Variants in PACRGL observed in about 807,000 individuals in gnomAD.
PACRGL encodes the protein PACRG-like protein.
In PACRGL, 38 loss-of-function variants were observed where a neutral mutation model predicts 34.5. The ratio of observed to expected loss-of-function variants is 1.10; its 90% CI spans 0.85 to 1.44. The LOEUF is 1.44. PACRGL is among the 40% of genes most tolerant of loss of function. PACRGL has a pLI of 0.00. For synonymous variants in PACRGL, 128 were observed against 100.1 expected (o/e 1.28, Z -1.66); for missense variants, 305 against 281.4 (o/e 1.08, Z -0.60).
chr4:20,704,625 T>A (rs568848217), intron 2 of PACRGL, 35 bp from the exon 3 acceptor site: 3 of 1,613,786 alleles, frequency 1.9e-6, no homozygotes, highest in African/African-American at 2.7e-5. Context: ...TTATTGCTTG[T>A]ACCTGGTTTC....
chr4:20,727,225 A>G, intron 8 of PACRGL, 60 bp from the exon 9 acceptor site: 1 of 1,410,718 alleles, frequency 7.1e-7, no homozygotes, highest in Non-Finnish European at 1.0e-6. Context: ...CTGCAAATAT[A>G]ATACCTATTA....
chr4:20,763,485 A>C, the PACRGL span, among the ~76,000 whole-genome samples: 23,136 of 152,024 alleles, frequency 0.15, 1,841 homozygotes, highest in East Asian at 0.19. Context: ...AGTACATGGA[A>C]ACTTTTTATG....
At chr4:20,703,786 T>C (rs1386310702) in intron 1 of PACRGL, among the ~76,000 whole-genome samples, 1 of 152,130 alleles carries the variant, frequency 6.6e-6, no homozygotes, top group Non-Finnish European at 1.5e-5. Context: ...AATTTCATAA[T>C]TGGTAGAACT....
At chr4:20,751,507 CGA>C (rs947155639) in intron 8 of PACRGL, among the ~76,000 whole-genome samples, 21 of 151,332 alleles carry the variant, frequency 1.4e-4, no homozygotes, top group Non-Finnish European at 2.5e-4. Context: ...GTGAATTGAT[CGA>C]TGGTGTGTTG....
At chr4:20,754,395 G>A (rs992931562), downstream of PACRGL, among the ~76,000 whole-genome samples, 7 of 152,112 alleles carry the variant, frequency 4.6e-5, no homozygotes, top group Admixed American at 2.6e-4. Flanking sequence ...TTCATAATGA[G>A]AAAAACTGTT....
the PACRGL span, among the ~76,000 whole-genome samples, chr4:20,765,559 C>T: frequency 6.6e-6 from 1 of 152,180 alleles, no homozygotes; most frequent in Admixed American, 6.5e-5. Context: ...GCCACATACT[C>T]TTTACTGTCA....
At position 20,732,144 on chromosome 4, in the gene PACRGL, G is replaced by A; in HGVS notation, c.*4803G>A. 9.9e-7 allele frequency: 1 copy of A among 1,006,786 alleles called. No homozygotes were observed. The allele number at this position is 1,006,786 out of a possible 1,614,324, so 62.4% of individuals were successfully genotyped here. A position where few individuals can be genotyped will look rare whatever the true frequency, so the allele number is the denominator to read the frequency against. ...TCACACCTGGACCAAATGAGCTGAAGCTGATAAAAAGAAAACCTAGCTGCT... is the reference window on the plus strand; with the variant it reads ...TCACACCTGGACCAAATGAGCTGAAACTGATAAAAAGAAAACCTAGCTGCT... On this transcript the variant is annotated 3_prime_UTR_variant, in exon 9 of 9. Coordinates refer to ENST00000503585, the MANE Select transcript of PACRGL (RefSeq NM_001258345.3).
At chr4:20,734,770 T>G (rs1373215498), downstream of PACRGL, 2 of 1,329,200 alleles carry the variant, frequency 1.5e-6, no homozygotes, top group Admixed American at 4.4e-5. Flanking sequence ...TTATATGACA[T>G]TTTTAAAAAA....
intron 8 of PACRGL, among the ~76,000 whole-genome samples, chr4:20,751,992 C>T (rs892962010): frequency 4.6e-5 from 7 of 151,702 alleles, no homozygotes; most frequent in Non-Finnish European, 7.4e-5. Flanking sequence ...AGTTGTTTTA[C>T]CTTTGTGTGG....
chr4:20,718,281 G>A lies in PACRGL; in HGVS notation c.609+4742G>A, dbSNP rs1029084425. Among the ~76,000 whole-genome samples the A allele has an allele frequency of 2.6e-5, 4 of 152,148 alleles. No homozygotes were observed. In the East Asian group the frequency reaches 5.8e-4, roughly 22 times the overall value. ...TACAATCATGTCATCTGCAAACGGG[G>A]ACAATTTGACTTCCTCTTTTCGTAA... On this transcript the variant is annotated intron_variant, in intron 7 of 8. Coordinates refer to ENST00000503585, the MANE Select transcript of PACRGL (RefSeq NM_001258345.3).
downstream of PACRGL, among the ~76,000 whole-genome samples, chr4:20,734,204 C>T (rs533699504): frequency 1.0e-3 from 156 of 152,256 alleles, no homozygotes; most frequent in African/African-American, 3.4e-3. Context: ...TCTGCCTCAA[C>T]GTGCATTTGG....
intron 8 of PACRGL, among the ~76,000 whole-genome samples, chr4:20,743,697 G>T (rs201862811): frequency 6.6e-6 from 1 of 152,012 alleles, no homozygotes; most frequent in Non-Finnish European, 1.5e-5. Context: ...TACCATTCAG[G>T]ACATAGGCAT....
At chr4:20,727,071 C>T (rs1164163024) in intron 8 of PACRGL, among the ~76,000 whole-genome samples, 1 of 152,102 alleles carries the variant, frequency 6.6e-6, no homozygotes, top group Non-Finnish European at 1.5e-5. Context: ...AGTCTGGCTT[C>T]TAACTACTTC....
chr4:20,724,517 C>T (rs1344659737), intron 7 of PACRGL, among the ~76,000 whole-genome samples: 3 of 152,158 alleles, frequency 2.0e-5, no homozygotes, highest in Non-Finnish European at 4.4e-5. Flanking sequence ...TCATGGTCCT[C>T]AATGCTCTTG....
At chr4:20,737,884 C>T (rs1750029777) in intron 8 of PACRGL, among the ~76,000 whole-genome samples, 1 of 152,194 alleles carries the variant, frequency 6.6e-6, no homozygotes, top group Admixed American at 6.5e-5. Context: ...GTAATCCCAG[C>T]ACTTTGGGTG....
At chr4:20,760,214 G>A in the PACRGL span, among the ~76,000 whole-genome samples, 49 of 152,224 alleles carry the variant, frequency 3.2e-4, no homozygotes, top group African/African-American at 9.9e-4. Context: ...GAGCTCCCCT[G>A]ACTCTAGTTG....
At chr4:20,750,036 G>C (rs1240663202) in intron 8 of PACRGL, among the ~76,000 whole-genome samples, 1 of 152,178 alleles carries the variant, frequency 6.6e-6, no homozygotes, top group African/African-American at 2.4e-5. Context: ...TGGATGTGAA[G>C]ATTGAGACTT....
Position 20,727,424 on chromosome 4 carries a change from T to A in PACRGL, c.*83T>A, listed in dbSNP as rs1026447794. 20 of 1,151,046 alleles carry A rather than the reference T, an allele frequency of 1.7e-5. No individual in the cohort carries two copies. Among genetic ancestry groups the A allele is most frequent in the Admixed American group, 1.7e-4 (9 of 54,222 alleles). The allele number at this position is 1,151,046 out of a possible 1,614,324, so 71.3% of individuals were successfully genotyped here. On this transcript the variant is annotated 3_prime_UTR_variant, in exon 9 of 9. Coordinates refer to ENST00000503585, the MANE Select transcript of PACRGL (RefSeq NM_001258345.3). ...TGGGTACTCATTTATTTTATTCTTT[T>A]GTAAATCACAGCCACCATTCATTAT... is the stretch of plus-strand genomic sequence containing the variant.
At position 20,727,439 on chromosome 4, in the gene PACRGL, C is replaced by G. The variant is rs906680751; in HGVS notation, c.*98C>G. The G allele has an allele frequency of 9.6e-5, 96 of 1,003,744 alleles. No individual in the cohort carries two copies. The highest frequency in any genetic ancestry group is 1.4e-4 in the Non-Finnish European group (93 of 654,426). The allele number at this position is 1,003,744 out of a possible 1,614,324, so 62.2% of individuals were successfully genotyped here. A position where few individuals can be genotyped will look rare whatever the true frequency, so the allele number is the denominator to read the frequency against. ...TTTATTCTTTTGTAAATCACAGCCACCATTCATTATTTACTAGGTTAAGAT... is the reference window on the plus strand; with the variant it reads ...TTTATTCTTTTGTAAATCACAGCCAGCATTCATTATTTACTAGGTTAAGAT... On this transcript the variant is annotated 3_prime_UTR_variant, in exon 9 of 9. Coordinates refer to ENST00000503585, the MANE Select transcript of PACRGL (RefSeq NM_001258345.3).
Sources: allele counts gnomAD v4.1 joint callset (sites outside exome capture counted in the v4.1 genomes callset), GRCh38; gene constraint gnomAD v4.1.1; transcripts MANE v1.5; gene names NCBI Gene and HGNC (gene_info 2026-07-23, HGNC 2026-07-21).